The following LRRC37A2 variants were observed in gnomAD, a reference collection of about 807,000 sequenced individuals.
LRRC37A2 encodes leucine rich repeat containing 37 member A2.
A neutral mutation model predicts 68.8 loss-of-function variants in LRRC37A2; 9 were observed. That is an observed-to-expected ratio of 0.13 (90% CI 0.08 to 0.23). LRRC37A2 has a LOEUF of 0.23. Among genes scored for constraint, LRRC37A2 ranks in the 10% least tolerant of loss-of-function variants. LRRC37A2 has a pLI of 1.00. For synonymous variants in LRRC37A2, 63 were observed against 367.6 expected (o/e 0.17, Z 9.48); for missense variants, 168 against 950.4 (o/e 0.18, Z 10.82).
chr17:46,713,893 T>C, the LRRC37A2 span: 2 of 1,612,796 alleles, frequency 1.2e-6, no homozygotes, highest in African/African-American at 2.7e-5. Flanking sequence ...CTGCAAAAAT[T>C]GCAGAGGAAT....
At chr17:46,995,855 C>T in the LRRC37A2 span, among the ~76,000 whole-genome samples, 1,484 of 152,328 alleles carry the variant, frequency 9.7e-3, 29 homozygotes, top group African/African-American at 0.034. Flanking sequence ...CCTGAGTTCC[C>T]GCCTTGGTCA....
At chr17:46,723,461 C>A in the LRRC37A2 span, among the ~76,000 whole-genome samples, 1 of 152,168 alleles carries the variant, frequency 6.6e-6, no homozygotes, top group African/African-American at 2.4e-5. Flanking sequence ...TCAGTTGTCT[C>A]GAATGTACCA....
the LRRC37A2 span, chr17:46,931,776 AG>A: frequency 2.0e-6 from 1 of 494,106 alleles, no homozygotes; most frequent in African/African-American, 1.9e-5. Flanking sequence ...AGAAGAGGTC[AG>A]TGAGCCTGCT....
chr17:46,526,719 G>A (rs1246848387), intron 6 of LRRC37A2, among the ~76,000 whole-genome samples: 2 of 105,378 alleles, frequency 1.9e-5, no homozygotes, highest in Non-Finnish European at 4.1e-5. Flanking sequence ...GCTTATTAGT[G>A]GACTTAACTG....
the LRRC37A2 span, among the ~76,000 whole-genome samples, chr17:46,827,523 C>T: frequency 6.6e-6 from 1 of 152,182 alleles, no homozygotes. Flanking sequence ...CAAACTTCAT[C>T]TCTGACACCA....
chr17:47,002,000 A>C, the LRRC37A2 span, among the ~76,000 whole-genome samples: 2 of 151,966 alleles, frequency 1.3e-5, no homozygotes, highest in Non-Finnish European at 2.9e-5. Flanking sequence ...CGGCCCCCCA[A>C]AGTGCTGGGA....
the LRRC37A2 span, among the ~76,000 whole-genome samples, chr17:47,034,816 C>G: frequency 5.6e-3 from 812 of 143,932 alleles, 2 homozygotes; most frequent in African/African-American, 0.017. Context: ...GGTCTTACAA[C>G]TTTTCATGCC....
the LRRC37A2 span, among the ~76,000 whole-genome samples, chr17:46,911,739 C>T: frequency 1.3e-5 from 2 of 152,074 alleles, no homozygotes; most frequent in Non-Finnish European, 2.9e-5. Flanking sequence ...TAAAAATTAG[C>T]CGGGCATGGT....
chr17:46,784,012 GC>G, the LRRC37A2 span, among the ~76,000 whole-genome samples: 1 of 152,204 alleles, frequency 6.6e-6, no homozygotes, highest in African/African-American at 2.4e-5. Context: ...AGACTCTGGG[GC>G]CTGGGGATCC....
chr17:46,889,178 A>G, the LRRC37A2 span, among the ~76,000 whole-genome samples: 1 of 152,116 alleles, frequency 6.6e-6, no homozygotes, highest in Non-Finnish European at 1.5e-5. Context: ...GATTTTGAAA[A>G]TCTGATTTCC....
At chr17:46,754,868 A>G in the LRRC37A2 span, among the ~76,000 whole-genome samples, 1 of 152,240 alleles carries the variant, frequency 6.6e-6, no homozygotes, top group East Asian at 1.9e-4. Flanking sequence ...ATGGTTGGTT[A>G]TGTAGAGTTA....
chr17:46,768,611 G>A, the LRRC37A2 span: 1 of 1,614,178 alleles, frequency 6.2e-7, no homozygotes, highest in Non-Finnish European at 8.5e-7. The surrounding 1 kb of genome is among the most constrained non-coding windows in gnomAD (Gnocchi z 5.0). Flanking sequence ...ACTTGGCCCG[G>A]AGGGTCTCCA....
chr17:46,769,704 G>A, the LRRC37A2 span: 1 of 1,573,002 alleles, frequency 6.4e-7, no homozygotes, highest in East Asian at 2.3e-5. Flanking sequence ...CGGAAGGGGT[G>A]AGGTGGGGGC....
At chr17:47,000,028 TAAAATA>T in the LRRC37A2 span, among the ~76,000 whole-genome samples, 5 of 17,294 alleles carry the variant, frequency 2.9e-4, no homozygotes, top group African/African-American at 5.2e-4. Flanking sequence ...TAAAATAAAA[TAAAATA>T]AAATAAAATA....
chr17:46,924,454 TCTC>T, the LRRC37A2 span: 3 of 152,250 alleles, frequency 2.0e-5, no homozygotes, highest in Non-Finnish European at 4.4e-5. Flanking sequence ...TAGTTTCTCT[TCTC>T]AATTTTTTGA....
chr17:46,788,836 C>T, the LRRC37A2 span, among the ~76,000 whole-genome samples: 1 of 152,210 alleles, frequency 6.6e-6, no homozygotes, highest in Non-Finnish European at 1.5e-5. Flanking sequence ...CCAGATCCCA[C>T]AGGCTGTCTC....
chr17:46,542,862 A>G (rs113097298), intron 8 of LRRC37A2, among the ~76,000 whole-genome samples: 12,000 of 138,462 alleles, frequency 0.087, no homozygotes, highest in Non-Finnish European at 0.13. Context: ...GGTTGAGGGC[A>G]TTTTGCAAGA....
At chr17:46,666,332 C>CT in the LRRC37A2 span, among the ~76,000 whole-genome samples, 1 of 17,968 alleles carries the variant, frequency 5.6e-5, no homozygotes, top group African/African-American at 1.3e-4. Context: ...GATTTTAAAA[C>CT]TTTTTTTTTA....
At chr17:46,927,100 G>A in the LRRC37A2 span, among the ~76,000 whole-genome samples, 1 of 152,154 alleles carries the variant, frequency 6.6e-6, no homozygotes, top group East Asian at 1.9e-4. Context: ...AGTTTGATGG[G>A]CTGAAGAAAT....
Sources: gnomAD v4.1 joint callset for allele counts (sites outside exome capture counted in the v4.1 genomes callset) on GRCh38, gnomAD v4.1.1 for gene constraint, Gnocchi (gnomAD v3.1) non-coding constraint, MANE v1.5 for transcripts, NCBI Gene and HGNC (gene_info 2026-07-23, HGNC 2026-07-21) for gene names.